The following DMD variants were observed in gnomAD, a reference collection of about 807,000 sequenced individuals.
DMD encodes dystrophin, also known as mutant dystrophin.
In DMD, 63 loss-of-function variants were observed where a neutral mutation model predicts 330.1. That is an observed-to-expected ratio of 0.19 (90% CI 0.16 to 0.24). The LOEUF (loss-of-function observed/expected upper bound fraction) is 0.24. DMD is among the 10% of genes least tolerant of loss of function. The pLI, the probability that DMD is intolerant of heterozygous loss-of-function variation, is 1.00. For missense variants in DMD, 3,344 were observed against 2,684.1 expected, an observed-to-expected ratio of 1.25 and a Z score of -5.43; for synonymous variants, 1,223 against 959.8, an observed-to-expected ratio of 1.27 and a Z score of -5.07.
rs1409739233 is a variant in DMD, at chrX:32,411,753, T to C, written c.4232A>G (p.Gln1411Arg). 24 of 1,209,248 alleles carry C rather than the reference T, an allele frequency of 2.0e-5. No homozygotes were observed. Among genetic ancestry groups the C allele is most frequent in the Non-Finnish European group, 2.6e-5 (23 of 894,873 alleles). ...VDAAQMPQEA[Q>R]KIQSDLTSHE... ...AAGCTGATTCCCAGATGTACTTGCC[T>C]GGGCTTCCTGAGGCATTTGAGCTGC... is the stretch of plus-strand genomic sequence containing the variant. The change falls in exon 30 of 79, where the codon CAG (glutamine) becomes CGG (arginine). Residue 1411 changes from glutamine to arginine, a missense_variant and splice_region_variant. Physicochemically the swap from Gln to Arg is conservative, Grantham distance 43 (BLOSUM62 1). Coordinates refer to ENST00000357033, the MANE Select transcript of DMD (RefSeq NM_004006.3).
At chrX:33,170,526 C>A (rs1488483349) in intron 1 of DMD, among the ~76,000 whole-genome samples, 2 of 111,056 alleles carry the variant, frequency 1.8e-5, no homozygotes, top group African/African-American at 6.5e-5. Context: ...TTGTCTGATA[C>A]CCACATTACA....
chrX:32,696,370 C>T (rs1334740128), intron 9 of DMD, among the ~76,000 whole-genome samples: 4 of 112,041 alleles, frequency 3.6e-5, no homozygotes, highest in African/African-American at 1.3e-4. Flanking sequence ...ATTCCCCATC[C>T]CCCATCTCTT....
At chrX:32,814,484 CAG>C (rs112514741) in intron 6 of DMD, among the ~76,000 whole-genome samples, 377 of 112,158 alleles carry the variant, frequency 3.4e-3, no homozygotes, top group African/African-American at 0.011. Context: ...CGCTATGGAA[CAG>C]AGAGTTCAAC....
chrX:32,664,565 A>G (rs1602689891), intron 9 of DMD, among the ~76,000 whole-genome samples: 1 of 111,806 alleles, frequency 8.9e-6, no homozygotes. Flanking sequence ...TTTCTAATCA[A>G]CAACATCAGG....
At chrX:32,655,205 C>T (rs911900572) in intron 9 of DMD, among the ~76,000 whole-genome samples, 6 of 111,557 alleles carry the variant, frequency 5.4e-5, no homozygotes, top group Admixed American at 2.9e-4. Context: ...GCTCTTGCTT[C>T]TCTAGTTCTT....
intron 1 of DMD, among the ~76,000 whole-genome samples, chrX:33,093,986 A>G (rs1045015074): frequency 9.0e-6 from 1 of 111,687 alleles, no homozygotes; most frequent in African/African-American, 3.2e-5. Flanking sequence ...TAAATTTGCC[A>G]TGAGTTTATA....
chrX:33,163,106 T>C (rs753997248), intron 1 of DMD, among the ~76,000 whole-genome samples: 8 of 111,603 alleles, frequency 7.2e-5, no homozygotes, highest in Non-Finnish European at 1.5e-4. Flanking sequence ...ATATATACAA[T>C]TTAAAAATGA....
rs72470522 is a variant in DMD, at chrX:32,816,382, T to C, written c.530+86A>G. Reference sequence around the variant, plus strand: ...TAACATGTTGTAAAGTAGGACATGATCTGGAACCATACTGGGGAAAAATAT... The same window carrying C: ...TAACATGTTGTAAAGTAGGACATGACCTGGAACCATACTGGGGAAAAATAT... On this transcript the variant is annotated intron_variant, in intron 6 of 78. Transcript: ENST00000357033. The C allele has an allele frequency of 1.6e-3, 1,642 of 1,038,073 alleles. 3 individuals are homozygous for C. The highest frequency in any genetic ancestry group is 2.0e-3 in the Non-Finnish European group (1,480 of 741,013). 85.5% of individuals were successfully genotyped at this position (1,038,073 alleles called of 1,213,427 possible). A position where few individuals can be genotyped will look rare whatever the true frequency, so the allele number is the denominator to read the frequency against.
At chrX:33,268,754 C>G (rs1361007762) in intron 1 of DMD, among the ~76,000 whole-genome samples, 6 of 109,820 alleles carry the variant, frequency 5.5e-5, no homozygotes, top group African/African-American at 2.0e-4. Flanking sequence ...TGGTGAAACC[C>G]CGACTCTAGT....
Position 31,819,045 on chromosome X carries a change from C to A in DMD, c.7309+930G>T, listed in dbSNP as rs779325117. Reference sequence around the variant, plus strand: ...AAAGCAGACAAGGCAAAAAAAAAAACAAAAACAAAAAACAACACCCAAAGA... The same window carrying A: ...AAAGCAGACAAGGCAAAAAAAAAAAAAAAAACAAAAAACAACACCCAAAGA... On this transcript the variant is annotated intron_variant, in intron 50 of 78. Coordinates refer to ENST00000357033, the MANE Select transcript of DMD (RefSeq NM_004006.3). Among the ~76,000 whole-genome samples the A allele has an allele frequency of 1.9e-4, 21 of 107,726 alleles. 1 individual carries two copies. The South Asian group carries it at 7.2e-3, about 37-fold the overall frequency. 93.5% of individuals were successfully genotyped at this position (107,726 alleles called of 115,157 possible).
intron 74 of DMD, among the ~76,000 whole-genome samples, chrX:31,168,710 G>C (rs894342537): frequency 3.6e-5 from 4 of 111,875 alleles, no homozygotes; most frequent in African/African-American, 6.5e-5. Context: ...TTGTGAGTTA[G>C]AAGTGATCAT....
intron 60 of DMD, among the ~76,000 whole-genome samples, chrX:31,358,057 CCT>C (rs777404994): frequency 1.8e-5 from 2 of 110,134 alleles, no homozygotes; most frequent in East Asian, 5.7e-4. Flanking sequence ...GGTCTCTCTC[CCT>C]CTGTCTTCTT....
At chrX:33,118,413 A>G (rs1245725248) in intron 1 of DMD, among the ~76,000 whole-genome samples, 1 of 110,862 alleles carries the variant, frequency 9.0e-6, no homozygotes, top group Non-Finnish European at 1.9e-5. Context: ...CCCGGCCAAG[A>G]CTCTTGCTTG....
At chrX:31,192,823 C>T in intron 67 of DMD, among the ~76,000 whole-genome samples, 1 of 111,940 alleles carries the variant, frequency 8.9e-6, no homozygotes. Context: ...GCAAGGCGAT[C>T]CCCAAAATCT....
At chrX:32,919,283 G>C (rs1263399868) in intron 2 of DMD, among the ~76,000 whole-genome samples, 1 of 111,680 alleles carries the variant, frequency 9.0e-6, no homozygotes, top group Non-Finnish European at 1.9e-5. Flanking sequence ...TTGATGAAAA[G>C]GCATTGTTGG....
At chrX:31,787,696 T>C (rs1319533531) in intron 50 of DMD, among the ~76,000 whole-genome samples, 2 of 112,308 alleles carry the variant, frequency 1.8e-5, no homozygotes, top group African/African-American at 6.5e-5. Context: ...GTGACTGTAT[T>C]GAACTAAACT....
intron 7 of DMD, among the ~76,000 whole-genome samples, chrX:32,731,675 A>G (rs1297117793): frequency 8.9e-6 from 1 of 111,867 alleles, no homozygotes; most frequent in African/African-American, 3.3e-5. Flanking sequence ...ACGGCAGGGT[A>G]CTCCAACAGA....
At chrX:32,667,978 T>TAA (rs113039155) in intron 9 of DMD, among the ~76,000 whole-genome samples, 1,398 of 101,504 alleles carry the variant, frequency 0.014, 29 homozygotes, top group African/African-American at 0.037. Context: ...TGTCACTATT[T>TAA]AAAAAAAAAA....
At chrX:33,142,786 A>T (rs1409981026) in intron 1 of DMD, among the ~76,000 whole-genome samples, 1 of 112,570 alleles carries the variant, frequency 8.9e-6, no homozygotes, top group Non-Finnish European at 1.9e-5. Flanking sequence ...AAACATAAAA[A>T]GGAAAATTTA....
Sources: allele counts gnomAD v4.1 joint callset (sites outside exome capture counted in the v4.1 genomes callset), GRCh38; gene constraint gnomAD v4.1.1; transcripts MANE v1.5; gene names NCBI Gene and HGNC (gene_info 2026-07-23, HGNC 2026-07-21).